Variants in MORC3 observed in about 807,000 individuals in gnomAD.
MORC3 encodes MORC family CW-type zinc finger 3.
In MORC3, 31 loss-of-function variants were observed where a neutral mutation model predicts 109.1. The observed-to-expected ratio is 0.28, with a 90% CI of 0.21 to 0.38. The LOEUF (loss-of-function observed/expected upper bound fraction) is 0.38, where lower values mean the gene tolerates loss of function less well. Ranked by LOEUF, MORC3 falls within the 10% of genes least tolerant of loss-of-function variation. The pLI is 1.00. For missense variants in MORC3, 867 were observed against 1,135.8 expected, an observed-to-expected ratio of 0.76 and a Z score of 3.40; for synonymous variants, 395 against 380.7, an observed-to-expected ratio of 1.04 and a Z score of -0.44.
chr21:36,369,357 T>A lies in MORC3; in HGVS notation c.1989T>A (p.Asn663Lys). The change falls in exon 15 of 17, where the codon AAT becomes AAA. Residue 663 changes from asparagine to lysine, a missense_variant. Around this residue, in one of 7 missense-constraint regions of MORC3, gnomAD observed 486 missense variants for 502.1 expected, o/e 0.97. Transcript: ENST00000400485. ...ETVEDEIDVR[N>K]DAVILPSCVE... ...TTGAAGACGAGATAGACGTAAGAAA[T>A]GATGCAGTGATTCTGCCCTCCTGTG... 6.2e-7 allele frequency: 1 copy of A among 1,614,142 alleles called. No homozygotes were observed. The highest frequency in any genetic ancestry group is 8.5e-7 in the Non-Finnish European group (1 of 1,180,030).
chr21:36,358,082 GCTAGATTT>G (rs1177894330), intron 10 of MORC3, among the ~76,000 whole-genome samples: 24 of 151,542 alleles, frequency 1.6e-4, no homozygotes, highest in African/African-American at 5.8e-4. Flanking sequence ...CTTTTTCAAA[GCTAGATTT>G]AAAAAGCAGG....
rs1433341083 is a variant in MORC3 at position 36,369,253 on chromosome 21, T to C, written c.1885T>C (p.Ser629Pro). ...CGQTGSTSTS[S>P]SRCDQGNTAA... ...CCAGACTGGTTCAACAAGCACCTCA[T>C]CATCCCGATGCGACCAGGGAAATAC... Residue 629 changes from serine (S) to proline (P), a missense_variant, in exon 15 of 17, where the codon TCA becomes CCA. Ser to Pro is a moderately conservative substitution (Grantham distance 74). Coordinates refer to ENST00000400485, the MANE Select transcript of MORC3 (RefSeq NM_015358.3). The C allele has an allele frequency of 6.2e-7, 1 of 1,614,150 alleles. No homozygotes were observed. The highest frequency in any genetic ancestry group is 2.2e-5 in the East Asian group (1 of 44,884).
At chr21:36,370,658 T>C (rs1601543218) in intron 15 of MORC3, among the ~76,000 whole-genome samples, 8 of 113,856 alleles carry the variant, frequency 7.0e-5, no homozygotes, top group South Asian at 3.4e-4. Flanking sequence ...TTTTTTTTTT[T>C]TTTTTTTTTT....
intron 9 of MORC3, among the ~76,000 whole-genome samples, chr21:36,354,866 T>A (rs1244794343): frequency 6.6e-6 from 1 of 152,202 alleles, no homozygotes; most frequent in Non-Finnish European, 1.5e-5. Context: ...TCCTCAGGTG[T>A]GGTGTCTGTT....
At chr21:36,331,463 T>C (rs1047695940) in intron 1 of MORC3, among the ~76,000 whole-genome samples, 5 of 152,098 alleles carry the variant, frequency 3.3e-5, no homozygotes, top group African/African-American at 9.7e-5. Context: ...CTGGGCATGG[T>C]GGTGGGCACC....
rs1392683353 is a variant in MORC3, at chr21:36,336,887, T to C, written c.126T>C (p.Asp42=). The C allele has an allele frequency of 6.2e-7, 1 of 1,609,800 alleles. No individual in the cohort carries two copies. The highest frequency in any genetic ancestry group is 1.3e-5 in the African/African-American group (1 of 74,774). ...AVAELIDNAY[D]PDVNAKQIWI... Reference sequence around the variant, plus strand: ...TGTGTTTCCCAGATAATGCTTATGATCCTGATGTGAACGCTAAACAAATAT... The same window carrying C: ...TGTGTTTCCCAGATAATGCTTATGACCCTGATGTGAACGCTAAACAAATAT... Residue 42 remains aspartate (D), a synonymous_variant, in exon 3 of 17, where the codon GAT becomes GAC. Coordinates refer to ENST00000400485, the MANE Select transcript of MORC3 (RefSeq NM_015358.3).
chr21:36,344,216 C>T (rs2085483352), intron 6 of MORC3, among the ~76,000 whole-genome samples: 1 of 151,410 alleles, frequency 6.6e-6, no homozygotes, highest in Non-Finnish European at 1.5e-5. Context: ...CAGCCTCCGC[C>T]TCCATACTTG....
At chr21:36,335,544 G>A in intron 2 of MORC3, among the ~76,000 whole-genome samples, 1 of 152,104 alleles carries the variant, frequency 6.6e-6, no homozygotes, top group East Asian at 1.9e-4. Flanking sequence ...TCGAACTCCT[G>A]ACCTCAGGTG....
At chr21:36,354,816 T>G (rs1159108747) in intron 9 of MORC3, among the ~76,000 whole-genome samples, 1 of 152,226 alleles carries the variant, frequency 6.6e-6, no homozygotes, top group Non-Finnish European at 1.5e-5. Context: ...TAACACTGGT[T>G]CAGAAACACT....
chr21:36,364,646 C>CAAAAAA (rs112303932), intron 14 of MORC3, among the ~76,000 whole-genome samples: 1 of 138,242 alleles, frequency 7.2e-6, no homozygotes, highest in Non-Finnish European at 1.6e-5. Context: ...AACTCCGTCT[C>CAAAAAA]AAAAAAAAAA....
intron 1 of MORC3, 179 bp from the exon 2 acceptor site, chr21:36,333,467 C>A: frequency 1.7e-6 from 1 of 595,398 alleles, no homozygotes; most frequent in Admixed American, 3.1e-5. Context: ...AGTTGGTTCC[C>A]AGTGTTATCT....
chr21:36,363,174 C>G (rs1379200310), intron 13 of MORC3, among the ~76,000 whole-genome samples: 1 of 152,082 alleles, frequency 6.6e-6, no homozygotes, highest in African/African-American at 2.4e-5. Context: ...GTTCCCAGAA[C>G]TTTGGGAAGG....
chr21:36,364,289 G>C, intron 14 of MORC3, 30 bp downstream of exon 14: 1 of 1,604,462 alleles, frequency 6.2e-7, no homozygotes, highest in South Asian at 1.1e-5. Flanking sequence ...TTTCCATTTG[G>C]GGAATATTAA....
rs2085748484 is a variant in MORC3 at position 36,363,953 on chromosome 21, GT to G, written c.1453-139del. On this transcript the variant is annotated intron_variant, in intron 13 of 16. Coordinates refer to ENST00000400485, the MANE Select transcript of MORC3 (RefSeq NM_015358.3). ...TCATTGGTTTACTTGTTGATTCCTG[GT>G]ATAGCACAAGGAATTTACATGTTTG... is the stretch of plus-strand genomic sequence containing the variant. 6 of 875,420 alleles carry G rather than the reference GT, an allele frequency of 6.9e-6. No individual in the cohort carries two copies. In the East Asian group the frequency reaches 1.6e-4, roughly 23 times the overall value. 54.2% of individuals were successfully genotyped at this position (875,420 alleles called of 1,614,324 possible).
intron 5 of MORC3, chr21:36,339,501 C>CAAAAAAAAAAAAAAAAAAAA (rs55863855): frequency 1.1e-4 from 11 of 101,416 alleles, no homozygotes; most frequent in Non-Finnish European, 1.8e-4. Flanking sequence ...CCCGTCTTCT[C>CAAAAAAAAAAAAAAAAAAAA]AAAAAAAAAA....
Position 36,369,384 on chromosome 21 carries a change from A to G in MORC3, c.2016A>G (p.Val672=). ...ATGCAGTGATTCTGCCCTCCTGTGT[A>G]GAAGCTGAAGCAAAGATACATGAAA... ...RNDAVILPSC[V]EAEAKIHETQ... Residue 672 remains valine, a synonymous_variant, in exon 15 of 17, where the codon GTA becomes GTG. Coordinates refer to ENST00000400485, the MANE Select transcript of MORC3 (RefSeq NM_015358.3). The G allele has an allele frequency of 6.2e-7, 1 of 1,614,234 alleles. No individual in the cohort carries two copies. Among genetic ancestry groups the G allele is most frequent in the East Asian group, 2.2e-5 (1 of 44,888 alleles).
chr21:36,348,831 A>C (rs2085541147), intron 8 of MORC3, among the ~76,000 whole-genome samples: 2 of 152,214 alleles, frequency 1.3e-5, no homozygotes, highest in Admixed American at 6.5e-5. Context: ...TCCCAGGAAT[A>C]TAAATCACCT....
chr21:36,352,401 G>T (rs918529526), intron 9 of MORC3, among the ~76,000 whole-genome samples: 4 of 116,542 alleles, frequency 3.4e-5, no homozygotes, highest in South Asian at 2.4e-4. Context: ...AAAGGGGTGG[G>T]GGGGGGCAGG....
At chr21:36,339,287 CTT>C (rs2085410068) in intron 5 of MORC3, 1 of 161,404 alleles carries the variant, frequency 6.2e-6, no homozygotes, top group East Asian at 1.8e-4. Context: ...GCCCGGCTAA[CTT>C]TTGTATTTTA....
Sources: gnomAD v4.1 joint callset for allele counts (sites outside exome capture counted in the v4.1 genomes callset) on GRCh38, gnomAD v4.1.1 for gene constraint, gnomAD v4.1.1 regional missense constraint, MANE v1.5 for transcripts, NCBI Gene and HGNC (gene_info 2026-07-23, HGNC 2026-07-21) for gene names.